Variants in IRAG1 observed in about 807,000 individuals in gnomAD.
IRAG1 encodes the protein inositol 1,4,5-triphosphate receptor associated 1, also known as IP3R-associated cGMP kinase substrate.
In IRAG1, 62 loss-of-function variants were observed where a neutral mutation model predicts 106.2. The ratio of observed to expected loss-of-function variants is 0.58; its 90% CI spans 0.48 to 0.72. IRAG1 has a LOEUF of 0.72. Ranked by LOEUF, IRAG1 falls within the 30% of genes least tolerant of loss-of-function variation. The pLI is 0.00. For synonymous variants in IRAG1, 462 were observed against 443.9 expected, an observed-to-expected ratio of 1.04 and a Z score of -0.51; for missense variants, 1,064 against 1,140.7, an observed-to-expected ratio of 0.93 and a Z score of 0.97.
At chr11:10,615,412 C>T (rs1855315364) in intron 10 of IRAG1, among the ~76,000 whole-genome samples, 1 of 152,186 alleles carries the variant, frequency 6.6e-6, no homozygotes, top group Admixed American at 6.5e-5. Flanking sequence ...TACCATTTGA[C>T]CCAGCCATCC....
chr11:10,668,694 G>A (rs920891897), intron 1 of IRAG1, among the ~76,000 whole-genome samples: 7 of 152,098 alleles, frequency 4.6e-5, no homozygotes, highest in African/African-American at 1.7e-4. Context: ...CCCCTATTTG[G>A]CTGAGAGACA....
At chr11:10,670,751 T>C (rs972758297) in intron 1 of IRAG1, among the ~76,000 whole-genome samples, 1 of 152,132 alleles carries the variant, frequency 6.6e-6, no homozygotes, top group Non-Finnish European at 1.5e-5. Flanking sequence ...GGTGTCCTTA[T>C]AAGAAGAGGA....
rs752312870 is a variant in IRAG1 at position 10,626,036 on chromosome 11, G to A, written c.1298C>T (p.Ala433Val). 1 of 1,513,790 alleles carries A rather than the reference G, an allele frequency of 6.6e-7. No individual in the cohort carries two copies. The highest frequency in any genetic ancestry group is 8.8e-7 in the Non-Finnish European group (1 of 1,131,110). 93.8% of individuals were successfully genotyped at this position (1,513,790 alleles called of 1,614,324 possible). ...TATCTGAAAGTCTTTGAGACCAGGG[G>A]CCTTGGCCAGCTTGCCGCCGGCCTT... ...AGKAGGKLAK[A>V]PGLKDFQIQV... The change falls in exon 9 of 21, where the codon GCC becomes GTC. Residue 433 changes from alanine (A) to valine (V), a missense_variant. By Grantham distance (64) the Ala-to-Val change is moderately conservative. Transcript: ENST00000423302.
At chr11:10,579,114 T>C (rs550587584) in intron 20 of IRAG1, among the ~76,000 whole-genome samples, 134 of 152,316 alleles carry the variant, frequency 8.8e-4, no homozygotes, top group African/African-American at 3.0e-3. Flanking sequence ...GTTCTTTCAC[T>C]GGGGAGACAG....
chr11:10,656,548 AAACT>A (rs1433964664), intron 1 of IRAG1, among the ~76,000 whole-genome samples: 1 of 152,246 alleles, frequency 6.6e-6, no homozygotes, highest in Non-Finnish European at 1.5e-5. Flanking sequence ...GAAAGAAAAC[AAACT>A]AATATGCTTT....
At chr11:10,604,256 C>A (rs1433438417) in intron 13 of IRAG1, 149 bp downstream of exon 13, 1 of 1,050,538 alleles carries the variant, frequency 9.5e-7, no homozygotes, top group Non-Finnish European at 1.4e-6. Context: ...TCAGTTCCCC[C>A]CAACTCTCTG....
chr11:10,619,989 G>A (rs1484908588), intron 10 of IRAG1, among the ~76,000 whole-genome samples: 1 of 152,192 alleles, frequency 6.6e-6, no homozygotes, highest in Non-Finnish European at 1.5e-5. Flanking sequence ...GGATAATAAA[G>A]TTTTGCTGTA....
At chr11:10,644,241 C>T (rs1284405374) in intron 2 of IRAG1, among the ~76,000 whole-genome samples, 1 of 152,218 alleles carries the variant, frequency 6.6e-6, no homozygotes, top group East Asian at 1.9e-4. Context: ...TTGACAATTA[C>T]ATAAACTCTC....
chr11:10,684,448 G>A (rs1302747414), intron 1 of IRAG1, among the ~76,000 whole-genome samples: 2 of 151,886 alleles, frequency 1.3e-5, no homozygotes, highest in African/African-American at 4.8e-5. Flanking sequence ...CACACTCTGG[G>A]GACTGTTGTG....
chr11:10,613,533 A>G lies in IRAG1; in HGVS notation c.1448-3682T>C, dbSNP rs190574614. Among the ~76,000 whole-genome samples the G allele has an allele frequency of 8.5e-5, 13 of 152,354 alleles. No homozygotes were observed. The South Asian group carries it at 1.9e-3, about 22-fold the overall frequency. ...GGAAAACAAAATCCAGCTAAACAAG[A>G]CATAAATCGAATAAATTTGGGAAAG... is the stretch of plus-strand genomic sequence containing the variant. On this transcript the variant is annotated intron_variant, in intron 10 of 20. Coordinates refer to ENST00000423302, the MANE Select transcript of IRAG1 (RefSeq NM_130385.4).
At chr11:10,598,338 T>C (rs539574162) in intron 15 of IRAG1, among the ~76,000 whole-genome samples, 2 of 152,372 alleles carry the variant, frequency 1.3e-5, no homozygotes, top group African/African-American at 4.8e-5. Context: ...GACAAAGGTT[T>C]GCTTTATTTT....
At chr11:10,680,344 GGAAAGAAAGAAAGAAAGAAAGAAA>G (rs750310566) in intron 1 of IRAG1, among the ~76,000 whole-genome samples, 1 of 67,964 alleles carries the variant, frequency 1.5e-5, no homozygotes, top group African/African-American at 6.5e-5. Flanking sequence ...AAGGAAGGAA[GGAAAGAAAGAAAGAAAGAAAGAAA>G]GAAGGAAGGA....
chr11:10,676,630 G>A (rs1195854382), intron 1 of IRAG1, among the ~76,000 whole-genome samples: 2 of 152,200 alleles, frequency 1.3e-5, no homozygotes, highest in South Asian at 2.1e-4. Flanking sequence ...GGAACTGCAG[G>A]TGCCACAGTG....
At chr11:10,603,685 C>T (rs1188298174) in intron 13 of IRAG1, among the ~76,000 whole-genome samples, 1 of 152,108 alleles carries the variant, frequency 6.6e-6, no homozygotes, top group Non-Finnish European at 1.5e-5. Flanking sequence ...TTTGGGGGGA[C>T]ATATCCTAAC....
chr11:10,633,271 T>G (rs1254135347), intron 3 of IRAG1, among the ~76,000 whole-genome samples: 1 of 152,106 alleles, frequency 6.6e-6, no homozygotes, highest in East Asian at 1.9e-4. Context: ...GAGACGTGGT[T>G]TCACTGTGTT....
intron 10 of IRAG1, among the ~76,000 whole-genome samples, chr11:10,612,972 T>A (rs915892245): frequency 6.6e-6 from 1 of 152,044 alleles, no homozygotes; most frequent in African/African-American, 2.4e-5. Context: ...AAAGCAGATA[T>A]AGCTTCAAGC....
intron 10 of IRAG1, among the ~76,000 whole-genome samples, chr11:10,619,082 A>G (rs1007654329): frequency 2.0e-5 from 3 of 152,168 alleles, no homozygotes; most frequent in African/African-American, 7.2e-5. Flanking sequence ...CACTTAATGC[A>G]TCCCCAGCAC....
intron 2 of IRAG1, among the ~76,000 whole-genome samples, chr11:10,649,630 C>A (rs1042631013): frequency 6.6e-6 from 1 of 152,164 alleles, no homozygotes. Flanking sequence ...TCTCGGCTCC[C>A]GGCTCCCCTG....
In IRAG1 at chr11:10,632,075, C is replaced by G. The variant is rs749989289; in HGVS notation, c.330-14G>C. Reference sequence around the variant, plus strand: ...GGACTGTGAACTCTGAAAGACAGAACAGTCATCTTGTTCAGAAAATCAATC... The same window carrying G: ...GGACTGTGAACTCTGAAAGACAGAAGAGTCATCTTGTTCAGAAAATCAATC... On this transcript the variant is annotated splice_polypyrimidine_tract_variant and intron_variant, in intron 3 of 20. Transcript: ENST00000423302. 3 of 1,606,886 alleles carry G rather than the reference C, an allele frequency of 1.9e-6. No individual in the cohort carries two copies. Among genetic ancestry groups the G allele is most frequent in the East Asian group, 2.2e-5 (1 of 44,854 alleles).
Sources: gnomAD v4.1 joint callset for allele counts (sites outside exome capture counted in the v4.1 genomes callset) on GRCh38, gnomAD v4.1.1 for gene constraint, MANE v1.5 for transcripts, NCBI Gene and HGNC (gene_info 2026-07-23, HGNC 2026-07-21) for gene names.